CACNA1B: variants seen among roughly 807,000 people sequenced by gnomAD.
CACNA1B encodes the protein calcium voltage-gated channel subunit alpha1 B, also known as voltage-dependent N-type calcium channel subunit alpha-1B.
CACNA1B carries 70 observed loss-of-function variants against 247.2 expected under a neutral mutation model. The ratio of observed to expected loss-of-function variants is 0.28; its 90% CI spans 0.23 to 0.35. The LOEUF is 0.35. Among genes scored for constraint, CACNA1B ranks in the 10% least tolerant of loss-of-function variants. CACNA1B has a pLI of 1.00. For missense variants in CACNA1B, 2,367 were observed against 3,197.4 expected, an observed-to-expected ratio of 0.74 and a Z score of 6.26; for synonymous variants, 1,231 against 1,294.4, an observed-to-expected ratio of 0.95 and a Z score of 1.05.
intron 3 of CACNA1B, among the ~76,000 whole-genome samples, chr9:137,903,257 G>A (rs952851985): frequency 3.9e-5 from 6 of 152,052 alleles, no homozygotes; most frequent in Admixed American, 2.6e-4. Context: ...ATGGTGGTGC[G>A]CGCCTGTAGT....
At chr9:137,894,237 A>T (rs1287581628) in intron 3 of CACNA1B, among the ~76,000 whole-genome samples, 4 of 151,222 alleles carry the variant, frequency 2.6e-5, no homozygotes, top group Non-Finnish European at 4.4e-5. Flanking sequence ...GTCCCGTTTC[A>T]CATTTCCAGC....
At chr9:138,056,624 T>A (rs1045169212) in intron 26 of CACNA1B, among the ~76,000 whole-genome samples, 2 of 152,266 alleles carry the variant, frequency 1.3e-5, no homozygotes, top group Admixed American at 6.5e-5. Context: ...TAACTCTGTG[T>A]TTAACTGTTT....
At chr9:138,043,982 C>T (rs1307275914) in intron 21 of CACNA1B, 82 bp downstream of exon 21, 2 of 1,498,522 alleles carry the variant, frequency 1.3e-6, no homozygotes, top group Non-Finnish European at 1.8e-6. Flanking sequence ...AGCCAGCGTG[C>T]ACTGATTCTG....
chr9:138,000,294 T>G (rs1415400409), intron 15 of CACNA1B, among the ~76,000 whole-genome samples: 1 of 152,058 alleles, frequency 6.6e-6, no homozygotes, highest in Non-Finnish European at 1.5e-5. Flanking sequence ...GAGACAGGGT[T>G]TCACCGTGTT....
In CACNA1B at chr9:138,011,485, TTA is replaced by T. The variant is rs1490324421; in HGVS notation, c.2160+1410_2160+1411del. On this transcript the variant is annotated intron_variant, in intron 17 of 46. Coordinates refer to ENST00000371372, the MANE Select transcript of CACNA1B (RefSeq NM_000718.4). The surrounding 1 kb of genome is among the most constrained non-coding windows in gnomAD (Gnocchi z 4.2). ...CTGGGCTGACCAAGAGCCGCAAAGTTTATGACTCGACCATCCCCTTCCCTTAT... is the reference window on the plus strand; with the variant it reads ...CTGGGCTGACCAAGAGCCGCAAAGTTTGACTCGACCATCCCCTTCCCTTAT... Among the ~76,000 whole-genome samples, 2 of 152,164 alleles carry T rather than the reference TTA, an allele frequency of 1.3e-5. No individual in the cohort carries two copies. Among genetic ancestry groups the T allele is most frequent in the African/African-American group, 4.8e-5 (2 of 41,432 alleles).
chr9:138,069,724 T>A (rs1198056017), intron 31 of CACNA1B, 34 bp from the exon 32 acceptor site: 1 of 1,578,992 alleles, frequency 6.3e-7, no homozygotes, highest in Non-Finnish European at 8.7e-7. Flanking sequence ...GTAAATAATA[T>A]GCAAATATCC....
intron 18 of CACNA1B, among the ~76,000 whole-genome samples, chr9:138,016,749 T>C (rs1042585803): frequency 5.3e-5 from 8 of 152,162 alleles, no homozygotes; most frequent in African/African-American, 1.4e-4. Flanking sequence ...CGGGAGACCG[T>C]GCAGTCAGCC....
rs767236050 is a variant in CACNA1B, at chr9:138,117,284, TG to T, written c.5778-652del. 8.1e-4 allele frequency among the ~76,000 whole-genome samples: 34 copies of T among 41,984 alleles called. No individual in the cohort carries two copies. The South Asian group carries it at 8.2e-3, about 10-fold the overall frequency. 27.5% of individuals were successfully genotyped at this position (41,984 alleles called of 152,430 possible). ...AGGGATGGAAGGGCTCATTGTGGCT[TG>T]GGGGGGGGGTCAGAGAAGTAAGGAG... On this transcript the variant is annotated intron_variant, in intron 42 of 46. Transcript: ENST00000371372.
intron 11 of CACNA1B, among the ~76,000 whole-genome samples, chr9:137,972,020 G>A (rs190702141): frequency 1.3e-5 from 2 of 152,240 alleles, no homozygotes; most frequent in East Asian, 1.9e-4. Context: ...ATTCTGCCCC[G>A]GGTTCCTGAG....
In CACNA1B at chr9:137,891,550, G is replaced by T. The variant is rs1588984691; in HGVS notation, c.530+8667G>T. The stretch of plus-strand genomic sequence containing the variant: ...AGATGCACCCACAGAGGTCACAGGG[G>T]TTCAAGTTCATACCCCGGGAGGGTG... On this transcript the variant is annotated intron_variant, in intron 3 of 46. Transcript: ENST00000371372. The surrounding 1 kb of genome is among the most constrained non-coding windows in gnomAD (Gnocchi z 4.3). 1 of 186,834 alleles carries T rather than the reference G, an allele frequency of 5.4e-6. No individual in the cohort carries two copies. Among genetic ancestry groups the T allele is most frequent in the South Asian group, 1.2e-4 (1 of 8,270 alleles). The allele number at this position is 186,834 out of a possible 1,614,324, so 11.6% of individuals were successfully genotyped here. A position where few individuals can be genotyped will look rare whatever the true frequency, so the allele number is the denominator to read the frequency against.
intron 6 of CACNA1B, among the ~76,000 whole-genome samples, chr9:137,926,703 T>C (rs1957555148): frequency 6.6e-6 from 1 of 152,250 alleles, no homozygotes; most frequent in Non-Finnish European, 1.5e-5. Context: ...CCAATACTTG[T>C]TAATTTCTGT....
chr9:137,964,380 G>C (rs184549924), intron 10 of CACNA1B, among the ~76,000 whole-genome samples: 2 of 152,198 alleles, frequency 1.3e-5, no homozygotes, highest in East Asian at 3.9e-4. Flanking sequence ...CAGAGGTTTT[G>C]TTCATTTCTT....
intron 20 of CACNA1B, among the ~76,000 whole-genome samples, chr9:138,033,468 C>T (rs1959008253): frequency 6.6e-6 from 1 of 151,908 alleles, no homozygotes; most frequent in African/African-American, 2.4e-5. Flanking sequence ...TGGTTGAAAC[C>T]TAGACTCTCA....
intron 3 of CACNA1B, among the ~76,000 whole-genome samples, chr9:137,908,957 T>A (rs1957329551): frequency 1.3e-5 from 2 of 151,692 alleles, no homozygotes; most frequent in Non-Finnish European, 2.9e-5. Context: ...AAAATTGTGG[T>A]AAAATATGTA....
chr9:137,909,681 T>A (rs1283030005), intron 3 of CACNA1B, among the ~76,000 whole-genome samples: 1 of 152,246 alleles, frequency 6.6e-6, no homozygotes, highest in Admixed American at 6.5e-5. Context: ...TCTAAGTATC[T>A]GATTGAGTCC....
At chr9:138,087,384 C>CAAAAAAAAAAAAA (rs58566171) in intron 36 of CACNA1B, among the ~76,000 whole-genome samples, 1 of 52,674 alleles carries the variant, frequency 1.9e-5, no homozygotes, top group African/African-American at 6.5e-5. Context: ...GACTCTGTCT[C>CAAAAAAAAAAAAA]AAAAAAAAAA....
At position 138,095,306 on chromosome 9, in the gene CACNA1B, A is replaced by G. The variant is rs546829731; in HGVS notation, c.5095-1178A>G. Among the ~76,000 whole-genome samples, 4 of 152,368 alleles carry G rather than the reference A, an allele frequency of 2.6e-5. No homozygotes were observed. The South Asian group carries it at 8.3e-4, about 32-fold the overall frequency. On this transcript the variant is annotated intron_variant, in intron 36 of 46. Coordinates refer to ENST00000371372, the MANE Select transcript of CACNA1B (RefSeq NM_000718.4). The stretch of plus-strand genomic sequence containing the variant: ...TTTTTAAATGGCAGGGGATAAGAGT[A>G]GGCATTTCTCTAAAAAAGATATGCA...
Position 138,052,862 on chromosome 9 carries a change from T to C in CACNA1B, c.3807+674T>C, listed in dbSNP as rs972941737. On this transcript the variant is annotated intron_variant, in intron 25 of 46. Coordinates refer to ENST00000371372, the MANE Select transcript of CACNA1B (RefSeq NM_000718.4). This position sits in a 1 kb window ranked among gnomAD's most constrained non-coding sequence, Gnocchi z 5.1. ...CACCTGCCCTGGCACCGAGTGGCGC[T>C]GTGCAGTGGTCATCCACAGTGTGCC... 2.0e-5 allele frequency among the ~76,000 whole-genome samples: 3 copies of C among 152,206 alleles called. No individual in the cohort carries two copies. The highest frequency in any genetic ancestry group is 7.2e-5 in the African/African-American group (3 of 41,456).
intron 20 of CACNA1B, among the ~76,000 whole-genome samples, chr9:138,031,294 T>G (rs1305180581): frequency 6.6e-6 from 1 of 152,220 alleles, no homozygotes; most frequent in Non-Finnish European, 1.5e-5. Context: ...TAGAAGTGTG[T>G]TGTTTAGTTT....
Sources: allele counts gnomAD v4.1 joint callset (sites outside exome capture counted in the v4.1 genomes callset), GRCh38; gene constraint gnomAD v4.1.1; non-coding constraint Gnocchi (gnomAD v3.1); transcripts MANE v1.5; gene names NCBI Gene and HGNC (gene_info 2026-07-23, HGNC 2026-07-21).